Variants in TMEM67 observed in about 807,000 individuals in gnomAD.
TMEM67 encodes transmembrane protein 67.
In TMEM67, 124 loss-of-function variants were observed where a neutral mutation model predicts 136.6. That is an observed-to-expected ratio of 0.91 (90% CI 0.78 to 1.05). The LOEUF is 1.05. Among genes scored for constraint, TMEM67 ranks in the 50% least tolerant of loss-of-function variants. TMEM67 has a pLI of 0.00. For missense variants in TMEM67, 1,107 were observed against 1,178.4 expected (o/e 0.94, Z 0.89); for synonymous variants, 364 against 390.5 (o/e 0.93, Z 0.80).
At chr8:93,796,817 T>C (rs1309001555) in intron 18 of TMEM67, among the ~76,000 whole-genome samples, 1 of 152,212 alleles carries the variant, frequency 6.6e-6, no homozygotes, top group Admixed American at 6.5e-5. Flanking sequence ...CTAGAATCTT[T>C]GGGAAAGAGT....
intron 27 of TMEM67, among the ~76,000 whole-genome samples, chr8:93,816,151 T>C (rs1002849402): frequency 6.6e-6 from 1 of 152,218 alleles, no homozygotes; most frequent in Non-Finnish European, 1.5e-5. Context: ...AGAGAATTTG[T>C]ATTATTAATT....
intron 1 of TMEM67, 145 bp from the exon 2 acceptor site, chr8:93,755,633 G>A: frequency 1.6e-6 from 1 of 630,592 alleles, no homozygotes; most frequent in Non-Finnish European, 2.8e-6. Context: ...TTTGAACCCA[G>A]GCAGTACTGC....
chr8:93,815,649 G>C (rs1227491653), intron 27 of TMEM67, among the ~76,000 whole-genome samples: 1 of 152,140 alleles, frequency 6.6e-6, no homozygotes, highest in Non-Finnish European at 1.5e-5. Flanking sequence ...GAAATACTGG[G>C]GTCTAGTGGA....
chr8:93,813,818 T>G (rs1210953937), intron 26 of TMEM67, among the ~76,000 whole-genome samples: 2 of 152,158 alleles, frequency 1.3e-5, no homozygotes, highest in African/African-American at 4.8e-5. Context: ...ATTGAGGAGT[T>G]GCTATCATAT....
At chr8:93,804,173 G>GT (rs907618600) in intron 22 of TMEM67, among the ~76,000 whole-genome samples, 6 of 151,546 alleles carry the variant, frequency 4.0e-5, no homozygotes, top group Non-Finnish European at 5.9e-5. Context: ...TGCCCAGCCT[G>GT]TTTTTTTCAT....
chr8:93,794,808 C>T, intron 16 of TMEM67: 1 of 159,578 alleles, frequency 6.3e-6, no homozygotes, highest in South Asian at 1.8e-4. Context: ...CAAAGACAGA[C>T]ATAGTCTGTG....
At chr8:93,797,609 A>T in intron 20 of TMEM67, 139 bp downstream of exon 20, 1 of 808,722 alleles carries the variant, frequency 1.2e-6, no homozygotes, top group Non-Finnish European at 2.0e-6. Flanking sequence ...ATTAAAAAGG[A>T]GTACCTTTAT....
At chr8:93,815,117 TTAAC>T (rs1254880015) in intron 26 of TMEM67, among the ~76,000 whole-genome samples, 184 bp from the exon 27 acceptor site, 2 of 152,230 alleles carry the variant, frequency 1.3e-5, no homozygotes, top group African/African-American at 2.4e-5. Context: ...TTATGAGTTT[TTAAC>T]TAACCTCTTT....
intron 15 of TMEM67, 96 bp from the exon 16 acceptor site, chr8:93,793,102 C>G: frequency 8.9e-7 from 1 of 1,119,466 alleles, no homozygotes; most frequent in Non-Finnish European, 1.4e-6. Context: ...TTTCCCACCC[C>G]ACCATTTTTT....
rs1436865461 is a variant in TMEM67 at position 93,765,646 on chromosome 8, TGTGA to T, written c.651+3_651+6del. ...TTTCAGCTGCACGTTATGGAGAAGT[TGTGA>T]GTATGTTTCAATTTTTTTGTTCTGT... On this transcript the variant is annotated splice_donor_variant and splice_donor_region_variant and intron_variant, in intron 6 of 27. Transcript: ENST00000453321. LOFTEE classifies it high-confidence loss of function. The T allele has an allele frequency of 1.2e-6, 2 of 1,606,538 alleles. No homozygotes were observed. Among genetic ancestry groups the T allele is most frequent in the Middle Eastern group, 1.7e-4 (1 of 6,044 alleles).
intron 6 of TMEM67, chr8:93,769,696 T>A (rs905422185): frequency 6.0e-6 from 1 of 166,878 alleles, no homozygotes; most frequent in Non-Finnish European, 1.5e-5. Flanking sequence ...GTTTTATCCA[T>A]GTACTTGTAA....
rs117244345 is a variant in TMEM67 at position 93,800,508 on chromosome 8, A to G, written c.2241+750A>G. On this transcript the variant is annotated intron_variant, in intron 21 of 27. Coordinates refer to ENST00000453321, the MANE Select transcript of TMEM67 (RefSeq NM_153704.6). Reference sequence around the variant, plus strand: ...TGGGGGTTCTGGACTCAATCCCAACATACTATAAGGACAATTGTAATTGCT... The same window carrying G: ...TGGGGGTTCTGGACTCAATCCCAACGTACTATAAGGACAATTGTAATTGCT... Among the ~76,000 whole-genome samples the G allele has an allele frequency of 8.3e-3, 1,261 of 152,302 alleles. 10 individuals are homozygous for G. Among genetic ancestry groups the G allele is most frequent in the Admixed American group, 9.4e-3 (144 of 15,304 alleles).
intron 20 of TMEM67, among the ~76,000 whole-genome samples, chr8:93,798,942 AG>A (rs35538860): frequency 7.0e-6 from 1 of 143,398 alleles, no homozygotes; most frequent in African/African-American, 2.6e-5. Flanking sequence ...GTACTAAAGT[AG>A]TGTGTGTGTG....
chr8:93,763,712 T>C, intron 3 of TMEM67, 130 bp from the exon 4 acceptor site: 1 of 681,552 alleles, frequency 1.5e-6, no homozygotes, highest in East Asian at 2.8e-5. Flanking sequence ...ATGCCTTTAA[T>C]GCAAATAAAG....
Position 93,782,401 on chromosome 8 carries a change from C to G in TMEM67, c.1072C>G (p.Pro358Ala). ...TTGTATTATTTTGCTGCAGCTTTGT[C>G]CAGACACAGAGACAAGGCTAAATGC... ...TLEGGVLQLC[P>A]DTETRLNAAY... Residue 358 changes from proline to alanine, a missense_variant, in exon 11 of 28, where the codon CCA becomes GCA. Physicochemically the swap from Pro to Ala is conservative, Grantham distance 27. This residue lies in a region of TMEM67 where 925 missense variants were observed against 1,002.4 expected (regional missense o/e 0.92). Coordinates refer to ENST00000453321, the MANE Select transcript of TMEM67 (RefSeq NM_153704.6). The G allele has an allele frequency of 3.1e-6, 5 of 1,612,342 alleles. No individual in the cohort carries two copies. The highest frequency in any genetic ancestry group is 4.2e-6 in the Non-Finnish European group (5 of 1,178,974).
rs527644364 is a variant in TMEM67 at position 93,769,133 on chromosome 8, C to G, written c.652-3456C>G. Among the ~76,000 whole-genome samples, 246 of 152,242 alleles carry G rather than the reference C, an allele frequency of 1.6e-3. 2 individuals are homozygous for G. The highest frequency in any genetic ancestry group is 5.3e-3 in the African/African-American group (222 of 41,530). On this transcript the variant is annotated intron_variant, in intron 6 of 27. Coordinates refer to ENST00000453321, the MANE Select transcript of TMEM67 (RefSeq NM_153704.6). ...AACCTGGAACACTCCAGGAGCACTG[C>G]AAAGGTCTAGCAGAACCAACACTGG...
At chr8:93,770,875 C>T (rs1319802185) in intron 6 of TMEM67, among the ~76,000 whole-genome samples, 1 of 151,942 alleles carries the variant, frequency 6.6e-6, no homozygotes, top group Non-Finnish European at 1.5e-5. Flanking sequence ...ATTAGCTGGG[C>T]GTGGCGGCAG....
At chr8:93,788,859 C>T (rs979775240) in intron 14 of TMEM67, among the ~76,000 whole-genome samples, 2 of 152,196 alleles carry the variant, frequency 1.3e-5, no homozygotes, top group African/African-American at 4.8e-5. Context: ...GAAGCGAGAC[C>T]TCTTAGGCTG....
intron 27 of TMEM67, 138 bp from the exon 28 acceptor site, chr8:93,816,233 TG>T (rs1175129771): frequency 2.2e-6 from 1 of 458,938 alleles, no homozygotes; most frequent in East Asian, 3.3e-5. Context: ...AATAATTTTA[TG>T]TATCACTATG....
Sources: gnomAD v4.1 joint callset for allele counts (sites outside exome capture counted in the v4.1 genomes callset) on GRCh38, gnomAD v4.1.1 for gene constraint, gnomAD v4.1.1 regional missense constraint, MANE v1.5 for transcripts, NCBI Gene and HGNC (gene_info 2026-07-23, HGNC 2026-07-21) for gene names.